The following C8orf34 variants were observed in gnomAD, a reference collection of about 807,000 sequenced individuals.
C8orf34 encodes the protein uncharacterized protein C8orf34.
A neutral mutation model predicts 68.3 loss-of-function variants in C8orf34; 65 were observed. That is an observed-to-expected ratio of 0.95 (90% CI 0.78 to 1.17). The LOEUF (loss-of-function observed/expected upper bound fraction) is 1.17. Ranked by LOEUF, C8orf34 falls within the 50% of genes most tolerant of loss-of-function variation. C8orf34 has a pLI of 0.00. For missense variants in C8orf34, 664 were observed against 655.4 expected, an observed-to-expected ratio of 1.01 and a Z score of -0.14; for synonymous variants, 244 against 241.2, an observed-to-expected ratio of 1.01 and a Z score of -0.11.
At chr8:68,621,246 C>A (rs1411732372) in intron 7 of C8orf34, among the ~76,000 whole-genome samples, 3 of 152,088 alleles carry the variant, frequency 2.0e-5, no homozygotes, top group African/African-American at 7.2e-5. Context: ...CTCCAGCAGT[C>A]TTTGTGTGTG....
chr8:68,646,721 A>C (rs537411326), intron 8 of C8orf34, among the ~76,000 whole-genome samples: 1 of 152,086 alleles, frequency 6.6e-6, no homozygotes, highest in East Asian at 1.9e-4. Flanking sequence ...ATTGTGCACT[A>C]TTTGTCTTTC....
At chr8:68,703,001 C>T (rs1486493188) in intron 8 of C8orf34, among the ~76,000 whole-genome samples, 1 of 152,110 alleles carries the variant, frequency 6.6e-6, no homozygotes, top group Non-Finnish European at 1.5e-5. Context: ...GATCTCATAA[C>T]ATCACCAAGC....
intron 7 of C8orf34, among the ~76,000 whole-genome samples, chr8:68,574,255 A>C (rs1462615712): frequency 6.6e-6 from 1 of 152,072 alleles, no homozygotes; most frequent in Non-Finnish European, 1.5e-5. Flanking sequence ...ACTGAGAAAA[A>C]ATGACAAAAA....
At chr8:68,587,885 A>G (rs975697918) in intron 7 of C8orf34, among the ~76,000 whole-genome samples, 1 of 152,120 alleles carries the variant, frequency 6.6e-6, no homozygotes, top group Non-Finnish European at 1.5e-5. Flanking sequence ...ATGTGAATGC[A>G]GATGTGAATG....
chr8:68,714,513 T>C (rs1221238388), intron 9 of C8orf34, among the ~76,000 whole-genome samples: 1 of 151,696 alleles, frequency 6.6e-6, no homozygotes, highest in Non-Finnish European at 1.5e-5. Context: ...AATCGAGAAC[T>C]CAACCCTTTT....
chr8:68,460,141 C>G (rs183812851), intron 3 of C8orf34, among the ~76,000 whole-genome samples: 3 of 152,312 alleles, frequency 2.0e-5, no homozygotes, highest in Admixed American at 2.0e-4. Flanking sequence ...AGATTATATC[C>G]TGCACCTGGC....
chr8:68,767,835 C>T (rs1030323104), intron 10 of C8orf34, among the ~76,000 whole-genome samples: 2 of 152,284 alleles, frequency 1.3e-5, no homozygotes, highest in Non-Finnish European at 2.9e-5. Context: ...GATTGTTTCT[C>T]ATTTTATCAT....
At chr8:68,339,209 A>G (rs1030415799) in intron 1 of C8orf34, among the ~76,000 whole-genome samples, 5 of 152,070 alleles carry the variant, frequency 3.3e-5, no homozygotes, top group African/African-American at 1.2e-4. Context: ...CAGAATTGAC[A>G]TCTTAACAAC....
chr8:68,587,207 G>A (rs1467120608), intron 7 of C8orf34, among the ~76,000 whole-genome samples: 1 of 151,994 alleles, frequency 6.6e-6, no homozygotes, highest in East Asian at 1.9e-4. Flanking sequence ...TCTATCATAG[G>A]ATTTCTTTTT....
At chr8:68,395,249 T>A (rs565003398) in intron 1 of C8orf34, among the ~76,000 whole-genome samples, 1 of 152,118 alleles carries the variant, frequency 6.6e-6, no homozygotes, top group Admixed American at 6.6e-5. Context: ...GGTTTTTTTT[T>A]TCCTGGACAT....
At chr8:68,582,203 A>C (rs991486807) in intron 7 of C8orf34, among the ~76,000 whole-genome samples, 1 of 152,156 alleles carries the variant, frequency 6.6e-6, no homozygotes, top group Non-Finnish European at 1.5e-5. Context: ...CTCAATGAAG[A>C]ACGGAGAGCT....
intron 11 of C8orf34, among the ~76,000 whole-genome samples, chr8:68,787,169 C>T (rs1386535720): frequency 6.6e-6 from 1 of 152,112 alleles, no homozygotes; most frequent in African/African-American, 2.4e-5. Flanking sequence ...TGAGTGTCAA[C>T]ATTTCCATAA....
chr8:68,606,111 T>G (rs2130531750), intron 7 of C8orf34, among the ~76,000 whole-genome samples: 1 of 152,260 alleles, frequency 6.6e-6, no homozygotes, highest in South Asian at 2.1e-4. Flanking sequence ...TCTGCAACTT[T>G]CAACCAATGC....
At chr8:68,695,148 CT>C (rs111296235) in intron 8 of C8orf34, among the ~76,000 whole-genome samples, 10,361 of 139,000 alleles carry the variant, frequency 0.075, 435 homozygotes, top group African/African-American at 0.14. Context: ...CTGTTTATTC[CT>C]TTTTTTTTTT....
rs551452752 is a variant in C8orf34, at chr8:68,684,797, A to T, written c.1242-24197A>T. ...ATAGGCTGCTTATTAAAAAAAAAAT[A>T]TTTTTTTTAAAATTTCCCTTTTTGG... On this transcript the variant is annotated intron_variant, in intron 8 of 13. Transcript: ENST00000518698. 5.4e-3 allele frequency among the ~76,000 whole-genome samples: 824 copies of T among 151,430 alleles called. 8 individuals carry two copies. Among genetic ancestry groups the T allele is most frequent in the African/African-American group, 0.019 (797 of 41,230 alleles).
At chr8:68,448,390 A>G (rs896549552) in intron 3 of C8orf34, among the ~76,000 whole-genome samples, 2 of 152,222 alleles carry the variant, frequency 1.3e-5, no homozygotes, top group African/African-American at 4.8e-5. Flanking sequence ...ATATATGACA[A>G]TAAGAATACA....
At chr8:68,373,060 A>G (rs1807631146) in intron 1 of C8orf34, among the ~76,000 whole-genome samples, 1 of 152,120 alleles carries the variant, frequency 6.6e-6, no homozygotes, top group African/African-American at 2.4e-5. Context: ...CAATGGCGCA[A>G]TCTCAGCTCA....
In C8orf34 at chr8:68,439,494, T is replaced by C; in HGVS notation, c.328-5T>C. Reference sequence around the variant, plus strand: ...TTATAATTGTGTGCTCTATTCTGCCTTCAGGAATTAATGACCAAGTTAATA... The same window carrying C: ...TTATAATTGTGTGCTCTATTCTGCCCTCAGGAATTAATGACCAAGTTAATA... On this transcript the variant is annotated splice_region_variant and splice_polypyrimidine_tract_variant and intron_variant, in intron 1 of 13. Transcript: ENST00000518698. 1 of 1,612,386 alleles carries C rather than the reference T, an allele frequency of 6.2e-7. No individual in the cohort carries two copies. The highest frequency in any genetic ancestry group is 1.1e-5 in the South Asian group (1 of 90,752).
intron 7 of C8orf34, among the ~76,000 whole-genome samples, chr8:68,636,935 T>C (rs1818864499): frequency 6.6e-6 from 1 of 152,172 alleles, no homozygotes; most frequent in Non-Finnish European, 1.5e-5. Flanking sequence ...CTGACTTTGT[T>C]CTTCAGAACC....
Sources: allele counts gnomAD v4.1 joint callset (sites outside exome capture counted in the v4.1 genomes callset), GRCh38; gene constraint gnomAD v4.1.1; transcripts MANE v1.5; gene names NCBI Gene and HGNC (gene_info 2026-07-23, HGNC 2026-07-21).